The following ESRRG variants were observed in gnomAD, a reference collection of about 807,000 sequenced individuals.
ESRRG encodes the protein estrogen-related receptor gamma.
A neutral mutation model predicts 44.0 loss-of-function variants in ESRRG; 13 were observed. That is an observed-to-expected ratio of 0.30 (90% confidence interval 0.19 to 0.47). The LOEUF (loss-of-function observed/expected upper bound fraction) is 0.47, where lower values mean the gene tolerates loss of function less well. ESRRG is among the 20% of genes least tolerant of loss of function. ESRRG has a pLI of 1.00. For synonymous variants in ESRRG, 215 were observed against 214.6 expected, an observed-to-expected ratio of 1.00 and a Z score of -0.02; for missense variants, 395 against 580.6, an observed-to-expected ratio of 0.68 and a Z score of 3.29.
chr1:216,662,620 G>A (rs967209910), intron 2 of ESRRG, among the ~76,000 whole-genome samples: 3 of 147,006 alleles, frequency 2.0e-5, no homozygotes, highest in Non-Finnish European at 3.1e-5. Flanking sequence ...AACTTAGCAG[G>A]GAGAGTGGGG....
intron 2 of ESRRG, among the ~76,000 whole-genome samples, chr1:216,848,439 GATTTACACAGAGATA>G (rs1390871457): frequency 6.7e-6 from 1 of 150,244 alleles, no homozygotes; most frequent in African/African-American, 2.5e-5. Context: ...TGCTCAAAAT[GATTTACACAGAGATA>G]ATTAAACTTA....
Position 217,003,592 on chromosome 1 carries a change from A to AATATTAATATTAATTAGTATTAAT in ESRRG, c.-105-63920_-105-63919insATTAATACTAATTAATATTAATAT, listed in dbSNP as rs57556993. Among the ~76,000 whole-genome samples, 446 of 148,108 alleles carry AATATTAATATTAATTAGTATTAAT rather than the reference A, an allele frequency of 3.0e-3. 1 individual carries two copies. The highest frequency in any genetic ancestry group is 0.011 in the African/African-American group (422 of 40,136). On this transcript the variant is annotated intron_variant, in intron 1 of 7. Coordinates refer to the ESRRG transcript ENST00000359162. ...ATACTAATTAATAAGTATTAATATT[A>AATATTAATATTAATTAGTATTAAT]ATTAATATTAATATTAATACTAACA...
chr1:216,947,064 A>G (rs2066175959), intron 1 of ESRRG, among the ~76,000 whole-genome samples: 1 of 152,150 alleles, frequency 6.6e-6, no homozygotes, highest in Non-Finnish European at 1.5e-5. Flanking sequence ...AGAAACAGAG[A>G]AATTATCCTT....
chr1:216,682,172 AT>A (rs2077144031), intron 1 of ESRRG: 1 of 152,218 alleles, frequency 6.6e-6, no homozygotes, highest in Non-Finnish European at 1.5e-5. Flanking sequence ...CCTAAAACAA[AT>A]GGAGAAATAA....
intron 2 of ESRRG, among the ~76,000 whole-genome samples, chr1:216,896,197 A>G (rs923377255): frequency 4.6e-5 from 7 of 152,214 alleles, no homozygotes; most frequent in African/African-American, 1.7e-4. Context: ...GGTCATTGCT[A>G]TTAATTGGGA....
At chr1:216,901,753 A>G (rs1359064170) in intron 2 of ESRRG, among the ~76,000 whole-genome samples, 1 of 149,722 alleles carries the variant, frequency 6.7e-6, no homozygotes, top group Non-Finnish European at 1.5e-5. Context: ...CAAAGTGCCT[A>G]CTGATACTTC....
Position 217,012,574 on chromosome 1 carries a change from G to A in ESRRG, c.-105-72901C>T, listed in dbSNP as rs149875611. Among the ~76,000 whole-genome samples, 14 of 152,282 alleles carry A rather than the reference G, an allele frequency of 9.2e-5. No individual in the cohort carries two copies. The East Asian group carries it at 2.3e-3, about 25-fold the overall frequency. On this transcript the variant is annotated intron_variant, in intron 1 of 7. Transcript: ENST00000359162. ...TGGCAATTTAGAAAAGGCAAACTCA[G>A]AGGCTAAGTTTAGGCTAAGGAAATT...
intron 2 of ESRRG, among the ~76,000 whole-genome samples, chr1:216,775,949 C>G (rs976491287): frequency 6.6e-6 from 1 of 151,958 alleles, no homozygotes; most frequent in Admixed American, 6.6e-5. Context: ...ACTCTTTCCT[C>G]TCACCAACAC....
rs73099488 is a variant in ESRRG, at chr1:217,009,347, A to G, written c.-105-69674T>C. ...TGTACATTTTTGCTGAGACTTGCCT[A>G]CAAGGGATGCCACACCTTTAAGGGA... On this transcript the variant is annotated intron_variant, in intron 1 of 7. Coordinates refer to the ESRRG transcript ENST00000359162. Among the ~76,000 whole-genome samples the G allele has an allele frequency of 9.3e-3, 1,418 of 152,320 alleles. 27 individuals carry two copies. Among genetic ancestry groups the G allele is most frequent in the African/African-American group, 0.032 (1,334 of 41,578 alleles).
chr1:216,959,131 C>T lies in ESRRG; in HGVS notation c.-105-19458G>A, dbSNP rs75178030. On this transcript the variant is annotated intron_variant, in intron 1 of 7. Coordinates refer to the ESRRG transcript ENST00000359162. ...CCTTCCTATTATTTATAGTTTATCT[C>T]ATTCTACCAAAATATAAGCTCTATG... Among the ~76,000 whole-genome samples, 343 of 151,970 alleles carry T rather than the reference C, an allele frequency of 2.3e-3. 2 individuals are homozygous for T. Among genetic ancestry groups the T allele is most frequent in the African/African-American group, 7.6e-3 (314 of 41,458 alleles).
In ESRRG at chr1:217,080,520, T is replaced by C. The variant is rs74226939; in HGVS notation, c.-106+8987A>G. On this transcript the variant is annotated intron_variant, in intron 1 of 7. Transcript: ENST00000359162. ...CTTCATTTGTTTAGCACGTATCCCG[T>C]ACACTGTAGCCCTGATGAATTCTGG... 7.0e-4 allele frequency among the ~76,000 whole-genome samples: 106 copies of C among 152,292 alleles called. No homozygotes were observed. The East Asian group carries it at 0.019, about 27-fold the overall frequency.
At chr1:217,084,613 C>T (rs543143233) in intron 1 of ESRRG, among the ~76,000 whole-genome samples, 1 of 152,212 alleles carries the variant, frequency 6.6e-6, no homozygotes, top group South Asian at 2.1e-4. Context: ...AATCTTCAAA[C>T]TAGTAAACAA....
intron 1 of ESRRG, among the ~76,000 whole-genome samples, chr1:216,711,493 T>C (rs17679570): frequency 0.033 from 5,082 of 152,260 alleles, 151 homozygotes; most frequent in Non-Finnish European, 0.04. Context: ...TTCCCCAATT[T>C]GTTTTGAAAC....
chr1:216,621,506 G>T (rs916638711), intron 3 of ESRRG, among the ~76,000 whole-genome samples: 1 of 152,108 alleles, frequency 6.6e-6, no homozygotes, highest in Non-Finnish European at 1.5e-5. Flanking sequence ...GTAAAGCCAC[G>T]CCCCTTAGAA....
chr1:216,858,164 G>T (rs1443498733), intron 2 of ESRRG, among the ~76,000 whole-genome samples: 2 of 152,146 alleles, frequency 1.3e-5, no homozygotes, highest in Admixed American at 1.3e-4. Flanking sequence ...AAGGCTGGGT[G>T]CAGTGGCTCA....
At chr1:216,962,432 G>A (rs754824794) in intron 1 of ESRRG, among the ~76,000 whole-genome samples, 2 of 152,136 alleles carry the variant, frequency 1.3e-5, no homozygotes, top group Non-Finnish European at 2.9e-5. Flanking sequence ...GTTTAAAAAC[G>A]TGTTCCCACT....
chr1:217,014,802 CTATT>C (rs1352722210), intron 1 of ESRRG, among the ~76,000 whole-genome samples: 1 of 152,148 alleles, frequency 6.6e-6, no homozygotes, highest in Non-Finnish European at 1.5e-5. Context: ...ATTTTTATCT[CTATT>C]CATTTATTTA....
At chr1:216,513,378 C>G (rs1387659483) in intron 6 of ESRRG, among the ~76,000 whole-genome samples, 1 of 152,112 alleles carries the variant, frequency 6.6e-6, no homozygotes, top group East Asian at 1.9e-4. Context: ...TTTCTTCCAA[C>G]CCAGAAATCT....
intron 3 of ESRRG, among the ~76,000 whole-genome samples, chr1:216,574,151 T>G (rs1159515710): frequency 6.6e-6 from 1 of 152,148 alleles, no homozygotes; most frequent in Admixed American, 6.6e-5. Flanking sequence ...GCAATTAGAT[T>G]TTCCATTCAT....
Sources: allele counts gnomAD v4.1 joint callset (sites outside exome capture counted in the v4.1 genomes callset), GRCh38; gene constraint gnomAD v4.1.1; transcripts MANE v1.5; gene names NCBI Gene and HGNC (gene_info 2026-07-23, HGNC 2026-07-21).